ARFGAP3: variants seen among roughly 807,000 people sequenced by gnomAD.
The protein encoded by ARFGAP3 is ADP-ribosylation factor GTPase-activating protein 3.
ARFGAP3 carries 72 observed loss-of-function variants against 75.0 expected under a neutral mutation model. That is an observed-to-expected ratio of 0.96 (90% confidence interval 0.79 to 1.17). The LOEUF (loss-of-function observed/expected upper bound fraction) is 1.17, where lower values mean the gene tolerates loss of function less well. Among genes scored for constraint, ARFGAP3 ranks in the 50% most tolerant of loss-of-function variants. ARFGAP3 has a pLI of 0.00. For missense variants in ARFGAP3, 620 were observed against 626.6 expected, an observed-to-expected ratio of 0.99 and a Z score of 0.11; for synonymous variants, 221 against 217.9, an observed-to-expected ratio of 1.01 and a Z score of -0.13.
intron 13 of ARFGAP3, 179 bp from the exon 14 acceptor site, chr22:42,807,342 G>C (rs1331465239): frequency 1.2e-6 from 1 of 844,546 alleles, no homozygotes; most frequent in African/African-American, 1.8e-5. Flanking sequence ...CTCATGTTCT[G>C]CATGGGAGGC....
At chr22:42,804,441 G>T (rs1925027185) in intron 14 of ARFGAP3, among the ~76,000 whole-genome samples, 1 of 147,170 alleles carries the variant, frequency 6.8e-6, no homozygotes, top group Admixed American at 6.9e-5. Flanking sequence ...GAGTGCAGCG[G>T]TGTGATCTCG....
At chr22:42,844,759 A>G (rs962717746) in intron 2 of ARFGAP3, among the ~76,000 whole-genome samples, 2 of 152,216 alleles carry the variant, frequency 1.3e-5, no homozygotes, top group Non-Finnish European at 2.9e-5. Context: ...TGCCTTAAAA[A>G]TAACAACAAA....
chr22:42,842,067 C>T lies in ARFGAP3; in HGVS notation c.189-1051G>A, dbSNP rs1238761734. On this transcript the variant is annotated intron_variant, in intron 2 of 15. Coordinates refer to ENST00000263245, the MANE Select transcript of ARFGAP3 (RefSeq NM_014570.5). ...TTGCCCCGGCTGGAGTGCAATGGTG[C>T]GATCTTGACTCACCGCAACCTCTGC... Among the ~76,000 whole-genome samples the T allele has an allele frequency of 4.3e-5, 6 of 138,144 alleles. No individual in the cohort carries two copies. The South Asian group carries it at 1.4e-3, about 32-fold the overall frequency. 90.6% of individuals were successfully genotyped at this position (138,144 alleles called of 152,430 possible). A position where few individuals can be genotyped will look rare whatever the true frequency, so the allele number is the denominator to read the frequency against.
intron 7 of ARFGAP3, among the ~76,000 whole-genome samples, chr22:42,824,951 T>C (rs1304057848): frequency 6.6e-6 from 1 of 152,256 alleles, no homozygotes; most frequent in Non-Finnish European, 1.5e-5. Flanking sequence ...TATTTGGTTT[T>C]GTTTCTGCAT....
In ARFGAP3 at chr22:42,827,684, A is replaced by G. The variant is rs185286529; in HGVS notation, c.566-685T>C. Among the ~76,000 whole-genome samples the G allele has an allele frequency of 2.7e-3, 410 of 152,226 alleles. 1 individual carries two copies. Among genetic ancestry groups the G allele is most frequent in the Non-Finnish European group, 4.1e-3 (277 of 67,988 alleles). ...CCCGGCCTAATATGTGGAAATTCTA[A>G]TACCAATTACATCAGTGATAGAAAT... On this transcript the variant is annotated intron_variant, in intron 6 of 15. Transcript: ENST00000263245.
intron 6 of ARFGAP3, among the ~76,000 whole-genome samples, chr22:42,828,293 T>C (rs1415874520): frequency 6.6e-6 from 1 of 151,638 alleles, no homozygotes; most frequent in Non-Finnish European, 1.5e-5. Flanking sequence ...GCGCGGTAGC[T>C]CACACCTGTA....
At chr22:42,848,123 CAT>C (rs966954674) in intron 1 of ARFGAP3, among the ~76,000 whole-genome samples, 1 of 152,042 alleles carries the variant, frequency 6.6e-6, no homozygotes, top group Non-Finnish European at 1.5e-5. Context: ...CTCGGCCTCC[CAT>C]AGTGTTGGGA....
chr22:42,820,214 A>C (rs1198607561), intron 9 of ARFGAP3, among the ~76,000 whole-genome samples: 1 of 152,174 alleles, frequency 6.6e-6, no homozygotes, highest in Non-Finnish European at 1.5e-5. Flanking sequence ...ATACCAAGAG[A>C]AGCCATCGAA....
chr22:42,841,562 C>A (rs1290264775), intron 2 of ARFGAP3, among the ~76,000 whole-genome samples: 1 of 152,186 alleles, frequency 6.6e-6, no homozygotes, highest in Non-Finnish European at 1.5e-5. Context: ...CTTCTCTCCA[C>A]TGTAAGATCA....
intron 3 of ARFGAP3, among the ~76,000 whole-genome samples, chr22:42,839,659 T>TAA (rs1926693765): frequency 6.6e-6 from 1 of 152,048 alleles, no homozygotes; most frequent in Admixed American, 6.6e-5. Flanking sequence ...AATATTAATT[T>TAA]AAATACAAGC....
intron 15 of ARFGAP3, among the ~76,000 whole-genome samples, chr22:42,798,284 C>T (rs536709513): frequency 6.6e-5 from 10 of 152,374 alleles, no homozygotes; most frequent in South Asian, 6.2e-4. Flanking sequence ...TGCACCTCCA[C>T]GCCCTCCTTG....
intron 1 of ARFGAP3, among the ~76,000 whole-genome samples, chr22:42,850,683 G>A (rs1216655631): frequency 6.6e-6 from 1 of 151,872 alleles, no homozygotes; most frequent in Admixed American, 6.6e-5. Flanking sequence ...TCTTTTCAGG[G>A]CAATACAAGG....
intron 9 of ARFGAP3, among the ~76,000 whole-genome samples, chr22:42,821,944 T>C (rs1002195566): frequency 6.6e-6 from 1 of 152,190 alleles, no homozygotes; most frequent in Non-Finnish European, 1.5e-5. Context: ...CACAGTGGTA[T>C]CTTATTGTGG....
At chr22:42,846,911 C>T (rs113914997) in intron 2 of ARFGAP3, among the ~76,000 whole-genome samples, 4,133 of 152,290 alleles carry the variant, frequency 0.027, 82 homozygotes, top group Middle Eastern at 0.082. Flanking sequence ...TGATTTCTTA[C>T]AGTTAAGGAG....
intron 12 of ARFGAP3, among the ~76,000 whole-genome samples, chr22:42,809,409 T>C (rs1217651208): frequency 6.6e-6 from 1 of 152,152 alleles, no homozygotes; most frequent in Non-Finnish European, 1.5e-5. Context: ...AATACAAGAA[T>C]GAATGAGTCT....
intron 2 of ARFGAP3, among the ~76,000 whole-genome samples, chr22:42,843,125 G>C (rs182922634): frequency 1.3e-3 from 192 of 147,670 alleles, no homozygotes; most frequent in Admixed American, 3.9e-3. Flanking sequence ...CCTCAGCCTC[G>C]GTCCTCACCT....
intron 15 of ARFGAP3, among the ~76,000 whole-genome samples, chr22:42,798,104 T>C (rs1327154704): frequency 1.3e-5 from 2 of 152,190 alleles, no homozygotes; most frequent in Non-Finnish European, 2.9e-5. Context: ...ATCTATAAAA[T>C]AGGGATGTTA....
intron 13 of ARFGAP3, 158 bp from the exon 14 acceptor site, chr22:42,807,321 A>C: frequency 1.1e-6 from 1 of 952,050 alleles, no homozygotes; most frequent in Non-Finnish European, 1.3e-6. Flanking sequence ...GTCCTGCGGG[A>C]CAGCACAAAG....
At chr22:42,832,258 T>G (rs763930759) in intron 5 of ARFGAP3, among the ~76,000 whole-genome samples, 2 of 151,298 alleles carry the variant, frequency 1.3e-5, no homozygotes, top group African/African-American at 2.4e-5. Context: ...CTGGGCACAG[T>G]GGCTCACATC....
Sources: gnomAD v4.1 joint callset for allele counts (sites outside exome capture counted in the v4.1 genomes callset) on GRCh38, gnomAD v4.1.1 for gene constraint, MANE v1.5 for transcripts, NCBI Gene and HGNC (gene_info 2026-07-23, HGNC 2026-07-21) for gene names.